TM9SF3: variants seen among roughly 807,000 people sequenced by gnomAD.
The protein encoded by TM9SF3 is transmembrane 9 superfamily member 3, also known as SM-11044-binding protein.
A neutral mutation model predicts 78.6 loss-of-function variants in TM9SF3; 14 were observed. The observed-to-expected ratio is 0.18, with a 90% CI of 0.12 to 0.28. The LOEUF is 0.28. Ranked by LOEUF, TM9SF3 falls within the 10% of genes least tolerant of loss-of-function variation. The pLI is 1.00. For missense variants in TM9SF3, 496 were observed against 721.9 expected (o/e 0.69, Z 3.59); for synonymous variants, 231 against 241.7 (o/e 0.96, Z 0.41).
rs1194803134 is a variant in TM9SF3 at position 96,528,205 on chromosome 10, T to C, written c.1395-28A>G. 3 of 1,590,974 alleles carry C rather than the reference T, an allele frequency of 1.9e-6. No homozygotes were observed. In the South Asian group the frequency reaches 3.4e-5, roughly 18 times the overall value. ...AAGTAAATGCAATAAAGACACAGGT[T>C]TCCAGTCTTTATTCTTAAAGCTCAC... On this transcript the variant is annotated intron_variant, in intron 11 of 14. Coordinates refer to ENST00000371142, the MANE Select transcript of TM9SF3 (RefSeq NM_020123.4).
At chr10:96,552,885 C>G (rs1848191219) in intron 6 of TM9SF3, 43 bp downstream of exon 6, 1 of 1,447,914 alleles carries the variant, frequency 6.9e-7, no homozygotes, top group African/African-American at 1.5e-5. Flanking sequence ...ACTTAACACT[C>G]AGTTAAAATG....
Position 96,583,350 on chromosome 10 carries a change from T to C in TM9SF3, c.102+3384A>G, listed in dbSNP as rs184607466. ...AAACAAGCTCTCACACAGTCTTTTG[T>C]GACTATTCAGGGCACGTGCCCATGA... On this transcript the variant is annotated intron_variant, in intron 1 of 14. Transcript: ENST00000371142. 1.7e-3 allele frequency among the ~76,000 whole-genome samples: 264 copies of C among 152,354 alleles called. 1 individual carries two copies. The highest frequency in any genetic ancestry group is 6.0e-3 in the African/African-American group (248 of 41,582).
rs750924284 is a variant in TM9SF3, at chr10:96,548,006, GA to G, written c.960-18del. 4.3e-4 allele frequency: 619 copies of G among 1,456,200 alleles called. No individual in the cohort carries two copies. The highest frequency in any genetic ancestry group is 7.0e-4 in the South Asian group (51 of 72,964). The allele number at this position is 1,456,200 out of a possible 1,614,324, so 90.2% of individuals were successfully genotyped here. A position where few individuals can be genotyped will look rare whatever the true frequency, so the allele number is the denominator to read the frequency against. ...GATCCCCTCCTAAAAAGGCAAAAAAGAAAAAAAAAATTAAAACCAACAATTT... is the reference window on the plus strand; with the variant it reads ...GATCCCCTCCTAAAAAGGCAAAAAAGAAAAAAAAATTAAAACCAACAATTT... On this transcript the variant is annotated intron_variant, in intron 7 of 14. Transcript: ENST00000371142.
rs370387234 is a variant in TM9SF3, at chr10:96,551,385, T to C, written c.819A>G (p.Gly273=). The C allele has an allele frequency of 2.6e-5, 42 of 1,610,588 alleles. No individual in the cohort carries two copies. The highest frequency in any genetic ancestry group is 3.3e-5 in the Non-Finnish European group (39 of 1,178,566). ...ATACATCTCCATGCACCTGTTTCCA[T>C]CCATATTCATCTCCTAGGTCTCTAT... ...DMDRDLGDEY[G]WKQVHGDVFR... The change falls in exon 7 of 15, where the codon GGA becomes GGG. Residue 273 remains glycine (G), a synonymous_variant. Transcript: ENST00000371142.
intron 9 of TM9SF3, among the ~76,000 whole-genome samples, chr10:96,542,598 A>T (rs1484277440): frequency 6.6e-6 from 1 of 152,186 alleles, no homozygotes; most frequent in African/African-American, 2.4e-5. Flanking sequence ...AAATTTTAAC[A>T]GAATCAAAAT....
chr10:96,524,297 G>A (rs1386399881), intron 14 of TM9SF3, among the ~76,000 whole-genome samples: 1 of 151,706 alleles, frequency 6.6e-6, no homozygotes, highest in Non-Finnish European at 1.5e-5. Flanking sequence ...TATTGATAAT[G>A]CATTTTAGAA....
intron 2 of TM9SF3, among the ~76,000 whole-genome samples, chr10:96,566,786 G>A (rs1191712664): frequency 2.0e-5 from 3 of 152,198 alleles, no homozygotes; most frequent in Non-Finnish European, 2.9e-5. Flanking sequence ...TACAGCAGGA[G>A]CTAGAAAAAC....
chr10:96,521,475 A>G lies in TM9SF3; in HGVS notation c.*788T>C, dbSNP rs1847771876. 1 of 152,386 alleles carries G rather than the reference A, an allele frequency of 6.6e-6. No homozygotes were observed. The highest frequency in any genetic ancestry group is 2.1e-4 in the South Asian group (1 of 4,836). The allele number at this position is 152,386 out of a possible 1,614,324, so 9.4% of individuals were successfully genotyped here. ...TAAAATGTAGTTTATCTAAATCTCA[A>G]AATGTTTAATAAAAACAAGTATCTT... On this transcript the variant is annotated 3_prime_UTR_variant, in exon 15 of 15. Coordinates refer to ENST00000371142, the MANE Select transcript of TM9SF3 (RefSeq NM_020123.4).
intron 5 of TM9SF3, among the ~76,000 whole-genome samples, chr10:96,559,012 C>T (rs1459269324): frequency 2.6e-5 from 4 of 152,068 alleles, no homozygotes; most frequent in Non-Finnish European, 4.4e-5. Context: ...CTAATGCTAC[C>T]GGCTTTATGA....
chr10:96,564,416 G>C lies in TM9SF3; in HGVS notation c.421+888C>G, dbSNP rs113136271. Among the ~76,000 whole-genome samples the C allele has an allele frequency of 8.5e-3, 1,298 of 152,298 alleles. 22 individuals carry two copies. The highest frequency in any genetic ancestry group is 0.03 in the African/African-American group (1,244 of 41,558). The stretch of plus-strand genomic sequence containing the variant: ...CACTGTCAGAGCGGATCAGAGAAAT[G>C]TCTGTGTTACCATAATGGTAACTGC... On this transcript the variant is annotated intron_variant, in intron 3 of 14. Coordinates refer to ENST00000371142, the MANE Select transcript of TM9SF3 (RefSeq NM_020123.4).
At chr10:96,549,059 T>A (rs1298548181) in intron 7 of TM9SF3, among the ~76,000 whole-genome samples, 1 of 152,004 alleles carries the variant, frequency 6.6e-6, no homozygotes, top group African/African-American at 2.4e-5. Flanking sequence ...GCCTTACCAC[T>A]CTCCAGTGAA....
intron 7 of TM9SF3, among the ~76,000 whole-genome samples, chr10:96,549,376 T>A (rs779204205): frequency 7.2e-5 from 11 of 152,168 alleles, no homozygotes; most frequent in Non-Finnish European, 1.3e-4. Context: ...TTCCGTAACA[T>A]AGCAAATTAA....
chr10:96,565,054 C>T (rs1848353321), intron 3 of TM9SF3, among the ~76,000 whole-genome samples: 1 of 152,108 alleles, frequency 6.6e-6, no homozygotes. Context: ...TAAGCACCTT[C>T]TCATTCTTGA....
chr10:96,522,483 T>C (rs1026664119), intron 14 of TM9SF3, among the ~76,000 whole-genome samples, 153 bp from the exon 15 acceptor site: 1 of 151,918 alleles, frequency 6.6e-6, no homozygotes, highest in Non-Finnish European at 1.5e-5. Context: ...TAAAACTGTA[T>C]CATTTGCTTT....
Position 96,567,161 on chromosome 10 carries a change from T to G in TM9SF3, c.299-1735A>C, listed in dbSNP as rs113224900. ...GTGCAATGGTGAGATCTCGGCTCAC[T>G]GCAACTTCCACCTCCCAGGTTCAAG... is the stretch of plus-strand genomic sequence containing the variant. On this transcript the variant is annotated intron_variant, in intron 2 of 14. Coordinates refer to ENST00000371142, the MANE Select transcript of TM9SF3 (RefSeq NM_020123.4). 3.3e-4 allele frequency among the ~76,000 whole-genome samples: 47 copies of G among 142,242 alleles called. No individual in the cohort carries two copies. In the East Asian group the frequency reaches 7.7e-3, roughly 23 times the overall value. The allele number at this position is 142,242 out of a possible 152,430, so 93.3% of individuals were successfully genotyped here. A position where few individuals can be genotyped will look rare whatever the true frequency, so the allele number is the denominator to read the frequency against.
At chr10:96,572,795 G>A (rs551569560) in intron 2 of TM9SF3, among the ~76,000 whole-genome samples, 1 of 151,750 alleles carries the variant, frequency 6.6e-6, no homozygotes, top group Non-Finnish European at 1.5e-5. Context: ...GGATTACAGG[G>A]GTGAGCCACC....
At chr10:96,560,093 G>A in intron 4 of TM9SF3, 2 of 620,166 alleles carry the variant, frequency 3.2e-6, no homozygotes, top group East Asian at 5.8e-5. Context: ...ACATCTGCCT[G>A]GTGTAATTCT....
At chr10:96,540,837 G>A (rs1403726988) in intron 9 of TM9SF3, among the ~76,000 whole-genome samples, 1 of 136,236 alleles carries the variant, frequency 7.3e-6, no homozygotes, top group African/African-American at 2.8e-5. Flanking sequence ...GAGTGCAGTG[G>A]CACGATCTCA....
chr10:96,553,290 T>C (rs1342623005), intron 5 of TM9SF3, among the ~76,000 whole-genome samples: 2 of 152,230 alleles, frequency 1.3e-5, no homozygotes, highest in Non-Finnish European at 2.9e-5. Context: ...ATCATTTATA[T>C]AAATTTTCAA....
Sources: gnomAD v4.1 joint callset for allele counts (sites outside exome capture counted in the v4.1 genomes callset) on GRCh38, gnomAD v4.1.1 for gene constraint, MANE v1.5 for transcripts, NCBI Gene and HGNC (gene_info 2026-07-23, HGNC 2026-07-21) for gene names.